Variants in GRIN2B observed in about 807,000 individuals in gnomAD.
The protein encoded by GRIN2B is glutamate receptor ionotropic, NMDA 2B.
A neutral mutation model predicts 114.5 loss-of-function variants in GRIN2B; 5 were observed. That is an observed-to-expected ratio of 0.04 (90% CI 0.02 to 0.09). The LOEUF is 0.09. Ranked by LOEUF, GRIN2B falls within the 10% of genes least tolerant of loss-of-function variation. The pLI, the probability that GRIN2B is intolerant of heterozygous loss-of-function variation, is 1.00. For missense variants in GRIN2B, 1,108 were observed against 1,943.5 expected, an observed-to-expected ratio of 0.57 and a Z score of 8.08; for synonymous variants, 787 against 745.1, an observed-to-expected ratio of 1.06 and a Z score of -0.92.
At chr12:13,616,367 G>T in intron 6 of GRIN2B, 88 bp downstream of exon 6, 1 of 905,038 alleles carries the variant, frequency 1.1e-6, no homozygotes, top group Non-Finnish European at 1.8e-6. Context: ...CAATTCTCAT[G>T]CCTCAGGTCT....
At chr12:13,754,496 G>T (rs1863543698) in intron 3 of GRIN2B, among the ~76,000 whole-genome samples, 1 of 152,222 alleles carries the variant, frequency 6.6e-6, no homozygotes. Context: ...GATAAGCTCA[G>T]TGGTCCAGAA....
Position 13,547,981 on chromosome 12 carries a change from A to ATATATATTTTTTTTTTTTTTTTTTTTT in GRIN2B, c.*14801_*14802insAAAAAAAAAAAAAAAAAAAAATATATA. On this transcript the variant is annotated 3_prime_UTR_variant, in exon 14 of 14. Coordinates refer to ENST00000609686, the MANE Select transcript of GRIN2B (RefSeq NM_000834.5). ...TGTGTATATATATATATATATATAT[A>ATATATATTTTTTTTTTTTTTTTTTTTT]TTTTTTTTTTTTTTCTGAAAGCTAC... is the stretch of plus-strand genomic sequence containing the variant. 2.9e-5 allele frequency: 2 copies of ATATATATTTTTTTTTTTTTTTTTTTTT among 68,594 alleles called. No homozygotes were observed. Among genetic ancestry groups the ATATATATTTTTTTTTTTTTTTTTTTTT allele is most frequent in the African/African-American group, 4.6e-5 (1 of 21,784 alleles). 4.2% of individuals were successfully genotyped at this position (68,594 alleles called of 1,614,324 possible).
chr12:13,954,829 A>AAAAAAAAAAAAAC, intron 2 of GRIN2B, among the ~76,000 whole-genome samples: 1 of 145,724 alleles, frequency 6.9e-6, no homozygotes, highest in South Asian at 2.2e-4. Flanking sequence ...AAAAAAAAAA[A>AAAAAAAAAAAAAC]CTTTTTCTTC....
chr12:13,793,426 A>AC (rs994790862), intron 3 of GRIN2B, among the ~76,000 whole-genome samples: 1 of 151,742 alleles, frequency 6.6e-6, no homozygotes, highest in Admixed American at 6.6e-5. Context: ...GTCTCAAAAA[A>AC]AAAAAAACGT....
chr12:13,594,099 T>C (rs11055534), intron 10 of GRIN2B, among the ~76,000 whole-genome samples: 4,005 of 152,276 alleles, frequency 0.026, 82 homozygotes, highest in South Asian at 0.042. Flanking sequence ...GTTCAACCAC[T>C]GTGGAAGACA....
At chr12:13,704,046 A>T (rs1288111989) in intron 4 of GRIN2B, among the ~76,000 whole-genome samples, 1 of 152,214 alleles carries the variant, frequency 6.6e-6, no homozygotes, top group East Asian at 1.9e-4. Flanking sequence ...AGTTCTGAAG[A>T]TTGGGGAGAA....
At chr12:13,574,673 A>T (rs1337087344) in intron 10 of GRIN2B, among the ~76,000 whole-genome samples, 4 of 152,146 alleles carry the variant, frequency 2.6e-5, no homozygotes, top group African/African-American at 9.6e-5. Context: ...CTCTTTATAT[A>T]GTAATTTTTA....
chr12:13,964,456 C>CA (rs1397237388), intron 2 of GRIN2B, among the ~76,000 whole-genome samples: 2 of 152,120 alleles, frequency 1.3e-5, no homozygotes, highest in African/African-American at 4.8e-5. Context: ...ACTTGAAAGA[C>CA]AAAAAAGTCA....
In GRIN2B at chr12:13,594,033, G is replaced by T. The variant is rs375973466; in HGVS notation, c.2010+14570C>A. Among the ~76,000 whole-genome samples, 10 of 152,210 alleles carry T rather than the reference G, an allele frequency of 6.6e-5. No homozygotes were observed. In the East Asian group the frequency reaches 1.3e-3, roughly 21 times the overall value. The stretch of plus-strand genomic sequence containing the variant: ...AAAAAGTCAGGAAACAACAGATGCT[G>T]GAGAGGATGTGGAGAAATAGGAAGG... On this transcript the variant is annotated intron_variant, in intron 10 of 13. Coordinates refer to ENST00000609686, the MANE Select transcript of GRIN2B (RefSeq NM_000834.5).
intron 3 of GRIN2B, among the ~76,000 whole-genome samples, chr12:13,828,356 G>T (rs1387175912): frequency 6.6e-6 from 1 of 152,172 alleles, no homozygotes. Context: ...TCTGGGAATT[G>T]TTCTTCTTAT....
intron 10 of GRIN2B, among the ~76,000 whole-genome samples, chr12:13,579,397 T>C (rs1046258170): frequency 2.6e-5 from 4 of 152,216 alleles, no homozygotes; most frequent in African/African-American, 9.6e-5. Context: ...CTGTGTGACC[T>C]TGATCAACTC....
chr12:13,772,772 A>G (rs1040999908), intron 3 of GRIN2B, among the ~76,000 whole-genome samples: 2 of 152,138 alleles, frequency 1.3e-5, no homozygotes, highest in African/African-American at 4.8e-5. Flanking sequence ...ACCTTGTAAG[A>G]GGTTTTTTTT....
intron 4 of GRIN2B, among the ~76,000 whole-genome samples, chr12:13,706,643 T>C (rs1218618409): frequency 1.3e-5 from 2 of 152,066 alleles, no homozygotes; most frequent in Non-Finnish European, 2.9e-5. Context: ...TGTCTGACCA[T>C]CAAAGCGTTA....
At chr12:13,716,270 T>A (rs113113844) in intron 4 of GRIN2B, among the ~76,000 whole-genome samples, 1 of 151,892 alleles carries the variant, frequency 6.6e-6, no homozygotes, top group Non-Finnish European at 1.5e-5. Flanking sequence ...AGGAAATAAA[T>A]ACTGTGCAAA....
chr12:13,844,832 C>T (rs1286794879), intron 3 of GRIN2B, among the ~76,000 whole-genome samples: 1 of 152,118 alleles, frequency 6.6e-6, no homozygotes, highest in Non-Finnish European at 1.5e-5. Flanking sequence ...TATAAATTTA[C>T]TTTGAAAACT....
At chr12:13,620,863 G>A (rs1397267639) in intron 5 of GRIN2B, among the ~76,000 whole-genome samples, 8 of 131,746 alleles carry the variant, frequency 6.1e-5, no homozygotes, top group South Asian at 4.8e-4. Context: ...CCTTAAAGTC[G>A]TTATTTTTTT....
intron 3 of GRIN2B, among the ~76,000 whole-genome samples, chr12:13,810,605 G>C (rs1388202731): frequency 6.6e-6 from 1 of 152,044 alleles, no homozygotes; most frequent in Non-Finnish European, 1.5e-5. Context: ...CTTCGTACAG[G>C]GCCCTGAGAA....
At chr12:13,809,787 G>C (rs1245974838) in intron 3 of GRIN2B, among the ~76,000 whole-genome samples, 3 of 152,196 alleles carry the variant, frequency 2.0e-5, no homozygotes, top group Non-Finnish European at 4.4e-5. Flanking sequence ...TCCCACTTTT[G>C]TTCCCCCACT....
chr12:13,582,442 G>C (rs780670655), intron 10 of GRIN2B, among the ~76,000 whole-genome samples: 36 of 152,150 alleles, frequency 2.4e-4, no homozygotes, highest in Non-Finnish European at 4.4e-4. Flanking sequence ...TTTTGCTACT[G>C]CCAAAAAGGG....
Sources: gnomAD v4.1 joint callset for allele counts (sites outside exome capture counted in the v4.1 genomes callset) on GRCh38, gnomAD v4.1.1 for gene constraint, MANE v1.5 for transcripts, NCBI Gene and HGNC (gene_info 2026-07-23, HGNC 2026-07-21) for gene names.